Variants in ADCY10 observed in about 807,000 individuals in gnomAD.
The protein encoded by ADCY10 is adenylate cyclase 10.
Under a neutral mutation model 183.3 loss-of-function variants are expected in ADCY10, and 156 were observed. That is an observed-to-expected ratio of 0.85 (90% confidence interval 0.75 to 0.97). ADCY10 has a LOEUF of 0.97. Among genes scored for constraint, ADCY10 ranks in the 50% least tolerant of loss-of-function variants. The probability of loss-of-function intolerance (pLI) is 0.00; values close to 1 mark genes in which losing one functional copy is unlikely to be tolerated. For missense variants in ADCY10, 1,745 were observed against 1,934.3 expected (o/e 0.90, Z 1.84); for synonymous variants, 645 against 670.0 (o/e 0.96, Z 0.58).
At chr1:167,810,645 A>G in intron 32 of ADCY10, 80 bp downstream of exon 32, 1 of 1,371,300 alleles carries the variant, frequency 7.3e-7, no homozygotes, top group South Asian at 1.2e-5. Context: ...GCCTGGTGAA[A>G]CCTAACCAGG....
chr1:167,899,731 T>A (rs1669260264), intron 5 of ADCY10, 103 bp from the exon 6 acceptor site: 1 of 1,091,110 alleles, frequency 9.2e-7, no homozygotes, highest in Non-Finnish European at 1.4e-6. Flanking sequence ...CTATACTATC[T>A]CAGAGCAAAA....
At chr1:167,860,637 GA>G (rs368799224) in intron 15 of ADCY10, among the ~76,000 whole-genome samples, 2,059 of 152,222 alleles carry the variant, frequency 0.014, 15 homozygotes, top group East Asian at 0.04. Context: ...AGAAAGGTAA[GA>G]AAAAAATTAG....
chr1:167,842,203 G>A (rs1183364311), intron 21 of ADCY10, among the ~76,000 whole-genome samples: 1 of 152,150 alleles, frequency 6.6e-6, no homozygotes, highest in African/African-American at 2.4e-5. Flanking sequence ...CAGTGGCCAT[G>A]ATCACGGCTC....
rs59725214 is a variant in ADCY10 at position 167,809,759 on chromosome 1, A to C, written c.4752T>G (p.Ile1584Met). 6 of 1,614,128 alleles carry C rather than the reference A, an allele frequency of 3.7e-6. No individual in the cohort carries two copies. The highest frequency in any genetic ancestry group is 5.1e-6 in the Non-Finnish European group (6 of 1,180,006). The change falls in exon 33 of 33, where the codon ATT (isoleucine) becomes ATG (methionine). Residue 1584 changes from isoleucine (I) to methionine (M), a missense_variant. Coordinates refer to ENST00000367851, the MANE Select transcript of ADCY10 (RefSeq NM_018417.6). ...TILSLPSWEK[I>M]VAGRVNIQDL... is the part of the protein sequence containing the mutation. The stretch of plus-strand genomic sequence containing the variant: ...CCTGAATGTTTACCCTGCCTGCTAC[A>C]ATTTTTTCCCATGATGGGAGACTCA...
rs772188446 is a variant in ADCY10, at chr1:167,809,796, A to G, written c.4715T>C (p.Leu1572Pro). The G allele has an allele frequency of 6.2e-6, 10 of 1,614,070 alleles. No homozygotes were observed. In the African/African-American group the frequency reaches 1.2e-4, roughly 19 times the overall value. ...STSELKEDQW[L>P]QTILSLPSWE... ...TGATGGGAGACTCAAGATCGTCTGA[A>G]GCCATTGGTCTTCTTTTAACTCAGA... The change falls in exon 33 of 33, where the codon CTT becomes CCT. Residue 1572 changes from leucine to proline, a missense_variant. Coordinates refer to ENST00000367851, the MANE Select transcript of ADCY10 (RefSeq NM_018417.6).
At chr1:167,864,538 TAAGAGAGGCAGA>T (rs1666540041) in intron 14 of ADCY10, among the ~76,000 whole-genome samples, 1 of 150,200 alleles carries the variant, frequency 6.7e-6, no homozygotes, top group Non-Finnish European at 1.5e-5. Flanking sequence ...CCACAGTAGT[TAAGAGAGGCAGA>T]AAGAGAGGAA....
intron 3 of ADCY10, among the ~76,000 whole-genome samples, chr1:167,902,337 C>T (rs1487741340): frequency 6.6e-6 from 1 of 152,168 alleles, no homozygotes; most frequent in Non-Finnish European, 1.5e-5. Context: ...CTGAAGACAG[C>T]TGCCCTCCTC....
chr1:167,829,466 T>C (rs376254466), intron 25 of ADCY10, 43 bp from the exon 26 acceptor site: 57 of 1,612,194 alleles, frequency 3.5e-5, no homozygotes, highest in Non-Finnish European at 4.7e-5. Flanking sequence ...AAAGGTATCA[T>C]CATTACCATG....
In ADCY10 at chr1:167,854,325, A is replaced by C. The variant is rs755022611; in HGVS notation, c.2308+28T>G. On this transcript the variant is annotated intron_variant, in intron 18 of 32. Transcript: ENST00000367851. ...AGACTTAAGTTAGGCAGAACAGAGT[A>C]AGAAAGAACCATCACCGCAGGACTT... 7 of 1,614,078 alleles carry C rather than the reference A, an allele frequency of 4.3e-6. No individual in the cohort carries two copies. In the South Asian group the frequency reaches 7.7e-5, roughly 18 times the overall value.
At chr1:167,903,147 G>A (rs1022544828) in intron 3 of ADCY10, among the ~76,000 whole-genome samples, 1 of 151,922 alleles carries the variant, frequency 6.6e-6, no homozygotes, top group African/African-American at 2.4e-5. Flanking sequence ...CCCCAGCTAC[G>A]TGTGTGGCTG....
chr1:167,849,354 T>C (rs1330352457), intron 18 of ADCY10, among the ~76,000 whole-genome samples: 1 of 152,186 alleles, frequency 6.6e-6, no homozygotes, highest in African/African-American at 2.4e-5. Context: ...TATTTTTCTA[T>C]CCCTTCAGCC....
intron 1 of ADCY10, among the ~76,000 whole-genome samples, chr1:167,905,488 A>C (rs1669750000): frequency 6.6e-6 from 1 of 152,150 alleles, no homozygotes; most frequent in South Asian, 2.1e-4. Flanking sequence ...GGGCAAGTCC[A>C]GTTGTAGTGG....
chr1:167,875,378 G>T (rs970856268), intron 12 of ADCY10, among the ~76,000 whole-genome samples, 192 bp from the exon 13 acceptor site: 1 of 152,178 alleles, frequency 6.6e-6, no homozygotes, highest in East Asian at 1.9e-4. Context: ...AGAATCCAAA[G>T]AACTCAGGTA....
chr1:167,913,058 T>G (rs1250632146), intron 1 of ADCY10, among the ~76,000 whole-genome samples: 1 of 152,206 alleles, frequency 6.6e-6, no homozygotes, highest in Admixed American at 6.5e-5. Flanking sequence ...AAGAGCACTT[T>G]CAATGCATGT....
intron 14 of ADCY10, among the ~76,000 whole-genome samples, chr1:167,863,077 T>C (rs1666397263): frequency 6.6e-6 from 1 of 152,338 alleles, no homozygotes; most frequent in Non-Finnish European, 1.5e-5. Context: ...TGGTTTGAAC[T>C]AGTGATTCCC....
chr1:167,885,491 G>C (rs1000781080), intron 8 of ADCY10, among the ~76,000 whole-genome samples: 12 of 152,154 alleles, frequency 7.9e-5, no homozygotes, highest in African/African-American at 2.4e-4. Context: ...TTTAACTGGG[G>C]TAAGATGATA....
At position 167,903,993 on chromosome 1, in the gene ADCY10, T is replaced by C. The variant is rs142062218; in HGVS notation, c.149-2A>G. ...ACTTCTCAGTCATTGCAGTAAAACC[T>C]GGAATAAATGTGCAGCTGGTTTCCT... On this transcript the variant is annotated splice_acceptor_variant, in intron 2 of 32. Transcript: ENST00000367851. LOFTEE classifies it high-confidence loss of function. 1 of 1,604,678 alleles carries C rather than the reference T, an allele frequency of 6.2e-7. No individual in the cohort carries two copies.
At chr1:167,845,230 A>G (rs204262) in intron 21 of ADCY10, among the ~76,000 whole-genome samples, 101,458 of 151,994 alleles carry the variant, frequency 0.67, 34,593 homozygotes, top group East Asian at 0.86. Context: ...CCATGTCATC[A>G]TGTCAGATTG....
intron 8 of ADCY10, among the ~76,000 whole-genome samples, chr1:167,887,113 T>C (rs1427905042): frequency 1.3e-5 from 2 of 152,114 alleles, no homozygotes; most frequent in Non-Finnish European, 2.9e-5. Flanking sequence ...GTAAACTAGT[T>C]CAACCATTGT....
Sources: gnomAD v4.1 joint callset for allele counts (sites outside exome capture counted in the v4.1 genomes callset) on GRCh38, gnomAD v4.1.1 for gene constraint, MANE v1.5 for transcripts, NCBI Gene and HGNC (gene_info 2026-07-23, HGNC 2026-07-21) for gene names.